BBX: variants seen among roughly 807,000 people sequenced by gnomAD.
The protein encoded by BBX is HMG box transcription factor BBX.
In BBX, 30 loss-of-function variants were observed where a neutral mutation model predicts 100.2. That is an observed-to-expected ratio of 0.30 (90% confidence interval 0.22 to 0.41). BBX has a LOEUF of 0.41. Ranked by LOEUF, BBX falls within the 10% of genes least tolerant of loss-of-function variation. The probability of loss-of-function intolerance (pLI) is 1.00; values close to 1 mark genes in which losing one functional copy is unlikely to be tolerated. For missense variants in BBX, 1,023 were observed against 1,129.8 expected (o/e 0.91, Z 1.35); for synonymous variants, 376 against 388.1 (o/e 0.97, Z 0.37).
chr3:107,665,740 A>G (rs1559938296), intron 3 of BBX, among the ~76,000 whole-genome samples: 2 of 152,158 alleles, frequency 1.3e-5, no homozygotes. Flanking sequence ...CCCGACAGCC[A>G]TGCCCAGGGC....
intron 2 of BBX, among the ~76,000 whole-genome samples, chr3:107,560,101 A>G (rs1380470378): frequency 2.0e-5 from 3 of 152,148 alleles, no homozygotes; most frequent in Non-Finnish European, 2.9e-5. Context: ...GTCGACTCAC[A>G]TGCCCTCCAA....
chr3:107,547,961 T>C (rs2107403877), intron 2 of BBX, among the ~76,000 whole-genome samples: 1 of 152,328 alleles, frequency 6.6e-6, no homozygotes. Flanking sequence ...TGCTGATTCC[T>C]GGAATGGTTG....
Position 107,808,798 on chromosome 3 carries a change from T to G in BBX, c.*3341T>G, listed in dbSNP as rs995751799. ...TTTTAAAAGGTAAATTCTACTGTTG[T>G]AATTCCGATAGTCTTTTTCCCACAA... is the stretch of plus-strand genomic sequence containing the variant. On this transcript the variant is annotated 3_prime_UTR_variant, in exon 18 of 18. Transcript: ENST00000325805. The G allele has an allele frequency of 2.6e-5, 4 of 152,236 alleles. No homozygotes were observed. The highest frequency in any genetic ancestry group is 2.6e-4 in the Admixed American group (4 of 15,290). 9.4% of individuals were successfully genotyped at this position (152,236 alleles called of 1,614,324 possible).
chr3:107,672,993 C>A (rs1266693770), intron 3 of BBX, among the ~76,000 whole-genome samples: 1 of 151,960 alleles, frequency 6.6e-6, no homozygotes, highest in Non-Finnish European at 1.5e-5. Flanking sequence ...GGTTCTAGGA[C>A]CTTGAGCAAA....
intron 3 of BBX, among the ~76,000 whole-genome samples, chr3:107,653,757 G>GA (rs1010197837): frequency 2.6e-5 from 4 of 152,150 alleles, no homozygotes; most frequent in African/African-American, 9.7e-5. Context: ...TAGGCACTTA[G>GA]AATGCCCTGG....
chr3:107,651,246 C>A (rs2107808548), intron 3 of BBX, among the ~76,000 whole-genome samples: 1 of 152,254 alleles, frequency 6.6e-6, no homozygotes, highest in Non-Finnish European at 1.5e-5. Flanking sequence ...AGTCTATAAA[C>A]AAGATAATCT....
At chr3:107,779,108 T>C (rs2067611396) in intron 13 of BBX, among the ~76,000 whole-genome samples, 1 of 150,462 alleles carries the variant, frequency 6.6e-6, no homozygotes, top group South Asian at 2.1e-4. Flanking sequence ...TCAGCTTCTC[T>C]ACTGCCTATA....
intron 10 of BBX, among the ~76,000 whole-genome samples, chr3:107,770,078 C>T (rs1453969074): frequency 2.6e-5 from 4 of 152,154 alleles, no homozygotes; most frequent in Non-Finnish European, 1.5e-5. Context: ...GCGTAATTAC[C>T]TACACAAGAA....
intron 3 of BBX, among the ~76,000 whole-genome samples, chr3:107,679,751 C>G (rs1350686413): frequency 2.6e-5 from 4 of 152,162 alleles, no homozygotes; most frequent in African/African-American, 9.7e-5. Flanking sequence ...TGAACTTGTA[C>G]TATGGGGGCT....
intron 2 of BBX, among the ~76,000 whole-genome samples, chr3:107,609,164 C>T (rs1302379923): frequency 4.0e-5 from 6 of 151,778 alleles, no homozygotes; most frequent in Non-Finnish European, 5.9e-5. Context: ...GTTTTTTCAT[C>T]CTGTTGCTAT....
chr3:107,675,378 C>T (rs1367755372), intron 3 of BBX, among the ~76,000 whole-genome samples: 1 of 152,112 alleles, frequency 6.6e-6, no homozygotes. Context: ...AGTTTAAGGA[C>T]TGTGCTGATG....
intron 2 of BBX, among the ~76,000 whole-genome samples, chr3:107,537,358 C>T (rs947282751): frequency 2.0e-5 from 3 of 152,126 alleles, no homozygotes; most frequent in African/African-American, 4.8e-5. Context: ...TAAGTTTGAG[C>T]TAGATGTACA....
At chr3:107,678,944 A>C (rs2059428757) in intron 3 of BBX, among the ~76,000 whole-genome samples, 3 of 152,168 alleles carry the variant, frequency 2.0e-5, no homozygotes, top group Admixed American at 6.6e-5. Context: ...ATGCCAAGGC[A>C]CAGGGAGGTT....
At chr3:107,651,904 C>A (rs1317854704) in intron 3 of BBX, among the ~76,000 whole-genome samples, 1 of 152,022 alleles carries the variant, frequency 6.6e-6, no homozygotes, top group Non-Finnish European at 1.5e-5. Context: ...CAGCCTGTAG[C>A]CATGGTTTTT....
At chr3:107,769,701 CTGAT>C (rs990125537) in intron 10 of BBX, among the ~76,000 whole-genome samples, 2 of 152,086 alleles carry the variant, frequency 1.3e-5, no homozygotes, top group African/African-American at 4.8e-5. Flanking sequence ...AGAACTGAGG[CTGAT>C]TGATTTTTGC....
intron 2 of BBX, among the ~76,000 whole-genome samples, chr3:107,566,494 C>T (rs1339314414): frequency 6.6e-6 from 1 of 151,108 alleles, no homozygotes; most frequent in Non-Finnish European, 1.5e-5. Flanking sequence ...GAATAAGTCA[C>T]TTAGAGTGAG....
At chr3:107,549,045 C>G (rs2049459723) in intron 2 of BBX, among the ~76,000 whole-genome samples, 1 of 152,172 alleles carries the variant, frequency 6.6e-6, no homozygotes, top group South Asian at 2.1e-4. Context: ...TGGGTATGCT[C>G]ACCACCTGGG....
intron 10 of BBX, among the ~76,000 whole-genome samples, chr3:107,763,531 C>G (rs141286702): frequency 1.3e-5 from 2 of 152,110 alleles, no homozygotes; most frequent in African/African-American, 4.8e-5. Context: ...ATCTTTAAAG[C>G]GAGTCCGTAG....
At chr3:107,681,196 G>A (rs1448382510) in intron 3 of BBX, among the ~76,000 whole-genome samples, 1 of 152,148 alleles carries the variant, frequency 6.6e-6, no homozygotes, top group Admixed American at 6.6e-5. Flanking sequence ...TATCAGGATT[G>A]TTAGCAACCA....
Sources: gnomAD v4.1 joint callset for allele counts (sites outside exome capture counted in the v4.1 genomes callset) on GRCh38, gnomAD v4.1.1 for gene constraint, MANE v1.5 for transcripts, NCBI Gene and HGNC (gene_info 2026-07-23, HGNC 2026-07-21) for gene names.